The following ROBO2 variants were observed in gnomAD, a reference collection of about 807,000 sequenced individuals.
ROBO2 encodes the protein roundabout homolog 2.
ROBO2 carries 53 observed loss-of-function variants against 160.8 expected under a neutral mutation model. That is an observed-to-expected ratio of 0.33 (90% CI 0.26 to 0.41). The LOEUF is 0.41. Among genes scored for constraint, ROBO2 ranks in the 10% least tolerant of loss-of-function variants. The pLI is 1.00. For synonymous variants in ROBO2, 664 were observed against 611.7 expected, an observed-to-expected ratio of 1.09 and a Z score of -1.26; for missense variants, 1,577 against 1,722.4, an observed-to-expected ratio of 0.92 and a Z score of 1.49.
chr3:76,668,185 G>A (rs1183787543), intron 2 of ROBO2, among the ~76,000 whole-genome samples: 2 of 151,836 alleles, frequency 1.3e-5, no homozygotes, highest in Non-Finnish European at 2.9e-5. Context: ...CTGCAGCCTC[G>A]ACCTCCTAGA....
At chr3:76,874,787 G>C (rs921102456) in intron 2 of ROBO2, among the ~76,000 whole-genome samples, 4 of 152,146 alleles carry the variant, frequency 2.6e-5, no homozygotes, top group African/African-American at 9.7e-5. Flanking sequence ...TGCAAAAAGA[G>C]GGTGCCAGAC....
chr3:76,167,359 A>C (rs1373464857), intron 2 of ROBO2, among the ~76,000 whole-genome samples: 2 of 152,136 alleles, frequency 1.3e-5, no homozygotes, highest in African/African-American at 4.8e-5. Flanking sequence ...TATTGTTTGG[A>C]CTATTCAGCT....
intron 2 of ROBO2, among the ~76,000 whole-genome samples, chr3:76,865,113 C>T (rs1405227863): frequency 2.6e-5 from 4 of 151,824 alleles, no homozygotes; most frequent in African/African-American, 9.7e-5. Flanking sequence ...TATTTCCATG[C>T]TGTGTATTTC....
chr3:77,293,315 G>A (rs1198370643), intron 2 of ROBO2, among the ~76,000 whole-genome samples: 16 of 147,854 alleles, frequency 1.1e-4, no homozygotes, highest in Admixed American at 3.4e-4. Context: ...ATGGTTAAAC[G>A]GGAAGTTGAG....
chr3:77,561,131 G>A (rs1329704133), intron 9 of ROBO2, among the ~76,000 whole-genome samples: 1 of 152,050 alleles, frequency 6.6e-6, no homozygotes, highest in African/African-American at 2.4e-5. Flanking sequence ...ATACATAATG[G>A]CATTTAAAAT....
intron 2 of ROBO2, among the ~76,000 whole-genome samples, chr3:77,286,555 C>G (rs2153380086): frequency 6.9e-6 from 1 of 145,330 alleles, no homozygotes; most frequent in African/African-American, 2.4e-5. Flanking sequence ...TGCACCAGGC[C>G]TATGGAGCAG....
chr3:76,456,114 A>T (rs937497851), intron 2 of ROBO2, among the ~76,000 whole-genome samples: 13 of 152,294 alleles, frequency 8.5e-5, no homozygotes, highest in Non-Finnish European at 1.2e-4. Context: ...AGGTTTGGTT[A>T]TGAGAAAATG....
chr3:77,147,690 T>C (rs2077224654), intron 2 of ROBO2, among the ~76,000 whole-genome samples: 1 of 152,236 alleles, frequency 6.6e-6, no homozygotes. Context: ...TAGAATTTTA[T>C]TATAATATTA....
chr3:76,289,751 CT>C lies in ROBO2; in HGVS notation c.109+352152del, dbSNP rs569962862. Among the ~76,000 whole-genome samples the C allele has an allele frequency of 3.3e-3, 499 of 152,218 alleles. 3 individuals are homozygous for C. The highest frequency in any genetic ancestry group is 0.012 in the African/African-American group (478 of 41,534). On this transcript the variant is annotated intron_variant, in intron 2 of 26. Coordinates refer to the ROBO2 transcript ENST00000487694. ...AGCATAATTTATTGACTAAGGACTC[CT>C]TTCCCCATTGGTTGTTATTACTGAT... is the stretch of plus-strand genomic sequence containing the variant.
chr3:77,310,852 T>TG (rs1164178573), intron 2 of ROBO2, among the ~76,000 whole-genome samples: 1 of 107,372 alleles, frequency 9.3e-6, no homozygotes, highest in Non-Finnish European at 2.4e-5. Context: ...GAGCTTTAAG[T>TG]GAAAAAAAAA....
At chr3:76,811,886 T>TCTTTCCTTCC (rs2065222358) in intron 2 of ROBO2, among the ~76,000 whole-genome samples, 1 of 129,236 alleles carries the variant, frequency 7.7e-6, no homozygotes, top group Non-Finnish European at 1.6e-5. Flanking sequence ...TCCTTCCTTT[T>TCTTTCCTTCC]TTGAGATGGG....
chr3:76,644,868 C>T (rs540577221), intron 2 of ROBO2, among the ~76,000 whole-genome samples: 72 of 152,266 alleles, frequency 4.7e-4, no homozygotes, highest in South Asian at 3.7e-3. Flanking sequence ...TCAGGCATTA[C>T]GCTAAACTTT....
At chr3:75,964,309 C>A (rs1281206340) in intron 2 of ROBO2, among the ~76,000 whole-genome samples, 1 of 151,698 alleles carries the variant, frequency 6.6e-6, no homozygotes, top group East Asian at 2.0e-4. Context: ...TTGGAATGTG[C>A]AGGAACAAGA....
chr3:76,715,416 A>G lies in ROBO2; in HGVS notation c.110-382598A>G, dbSNP rs552533104. ...TACTTCAGAATTGTGGGAGACAGAA[A>G]AATGAAAATCTTAAAGGCTGGCCTT... On this transcript the variant is annotated intron_variant, in intron 2 of 26. Coordinates refer to the ROBO2 transcript ENST00000487694. 2.0e-3 allele frequency among the ~76,000 whole-genome samples: 311 copies of G among 152,340 alleles called. 1 individual carries two copies. Among genetic ancestry groups the G allele is most frequent in the African/African-American group, 7.1e-3 (295 of 41,586 alleles).
intron 2 of ROBO2, among the ~76,000 whole-genome samples, chr3:76,525,729 A>G (rs1393371488): frequency 6.6e-6 from 1 of 151,988 alleles, no homozygotes; most frequent in Non-Finnish European, 1.5e-5. Context: ...GAGTTCTTGT[A>G]TACAGCCTTC....
chr3:76,059,367 T>C (rs2067982990), intron 2 of ROBO2, among the ~76,000 whole-genome samples: 1 of 152,124 alleles, frequency 6.6e-6, no homozygotes, highest in Non-Finnish European at 1.5e-5. Context: ...TGGTATCTCA[T>C]TGTGGTTTTG....
intron 6 of ROBO2, among the ~76,000 whole-genome samples, chr3:77,541,455 A>G (rs2092457356): frequency 1.3e-5 from 2 of 152,348 alleles, no homozygotes; most frequent in South Asian, 4.1e-4. Context: ...GTATCAAAGC[A>G]TCATTTAGCA....
intron 2 of ROBO2, among the ~76,000 whole-genome samples, chr3:77,169,840 C>T (rs978994755): frequency 6.6e-6 from 1 of 152,002 alleles, no homozygotes; most frequent in African/African-American, 2.4e-5. Flanking sequence ...AAACAGACAC[C>T]GTTCCCCACC....
intron 2 of ROBO2, among the ~76,000 whole-genome samples, chr3:76,151,289 C>T (rs1036028101): frequency 1.3e-5 from 2 of 151,990 alleles, no homozygotes; most frequent in Admixed American, 6.6e-5. Context: ...TCTCTCTTTC[C>T]CCACCTCTCT....
Sources: allele counts gnomAD v4.1 joint callset (sites outside exome capture counted in the v4.1 genomes callset), GRCh38; gene constraint gnomAD v4.1.1; transcripts MANE v1.5; gene names NCBI Gene and HGNC (gene_info 2026-07-23, HGNC 2026-07-21).